Variants in BLTP1 observed in about 807,000 individuals in gnomAD.
BLTP1 encodes the protein fragile site-associated protein.
the BLTP1 span, chr4:122,224,873 A>T: frequency 6.8e-7 from 1 of 1,480,476 alleles, no homozygotes; most frequent in Non-Finnish European, 9.0e-7. Flanking sequence ...TGAGCCACAT[A>T]TAATTTGTTG....
the BLTP1 span, chr4:122,325,514 TGTTA>T: frequency 8.1e-6 from 8 of 984,904 alleles, no homozygotes; most frequent in Non-Finnish European, 9.6e-6. Flanking sequence ...ATGAAGCAGG[TGTTA>T]GTATTTTACA....
At chr4:122,227,356 A>G in the BLTP1 span, 1 of 985,602 alleles carries the variant, frequency 1.0e-6, no homozygotes, top group Non-Finnish European at 1.2e-6. Context: ...TGCAAAAAGT[A>G]GATGGTAATC....
the BLTP1 span, chr4:122,301,385 C>T: frequency 6.3e-7 from 1 of 1,589,314 alleles, no homozygotes; most frequent in Non-Finnish European, 8.6e-7. Flanking sequence ...ATTCCCTAAA[C>T]TTGCAGTTCA....
the BLTP1 span, chr4:122,331,927 A>ATT: frequency 9.5e-6 from 3 of 315,670 alleles, no homozygotes; most frequent in African/African-American, 6.7e-5. Flanking sequence ...AGAAATAAGA[A>ATT]AGACTGGGAG....
At chr4:122,246,710 G>C in the BLTP1 span, 3 of 1,612,844 alleles carry the variant, frequency 1.9e-6, no homozygotes, top group Admixed American at 1.7e-5. Flanking sequence ...ACAAGCCTCA[G>C]TGGAAGAATC....
the BLTP1 span, among the ~76,000 whole-genome samples, chr4:122,355,199 A>G: frequency 5.3e-5 from 8 of 152,134 alleles, no homozygotes; most frequent in South Asian, 1.7e-3. Flanking sequence ...TAGCATAATG[A>G]ACTGCTGTCT....
chr4:122,185,339 G>T, the BLTP1 span: 1 of 984,110 alleles, frequency 1.0e-6, no homozygotes, highest in South Asian at 4.7e-5. Flanking sequence ...AGAAAACATG[G>T]TAGTTCTTTC....
At chr4:122,226,803 C>T in the BLTP1 span, 1 of 1,611,742 alleles carries the variant, frequency 6.2e-7, no homozygotes. Context: ...AATATGTCAG[C>T]ATGGAATTGA....
the BLTP1 span, chr4:122,309,230 C>A: frequency 1.3e-6 from 2 of 1,591,934 alleles, no homozygotes; most frequent in South Asian, 1.1e-5. Context: ...AAAATTGTCA[C>A]CTTTTGTCTT....
chr4:122,160,078 T>C, the BLTP1 span, among the ~76,000 whole-genome samples: 2 of 152,230 alleles, frequency 1.3e-5, no homozygotes, highest in African/African-American at 4.8e-5. Flanking sequence ...TTTTGATTTA[T>C]GTGCACAAAG....
the BLTP1 span, among the ~76,000 whole-genome samples, chr4:122,217,230 T>A: frequency 6.6e-6 from 1 of 152,206 alleles, no homozygotes; most frequent in East Asian, 1.9e-4. Flanking sequence ...TTTATAACAG[T>A]ACCTTGCTGT....
chr4:122,232,368 A>G, the BLTP1 span, among the ~76,000 whole-genome samples: 4 of 152,188 alleles, frequency 2.6e-5, no homozygotes, highest in African/African-American at 7.2e-5. Context: ...CAGATAAACA[A>G]CAAAACACAT....
the BLTP1 span, among the ~76,000 whole-genome samples, chr4:122,294,348 G>C: frequency 2.0e-5 from 3 of 152,214 alleles, no homozygotes; most frequent in Non-Finnish European, 4.4e-5. Context: ...TCCTGTAGGA[G>C]TGTTCGGTCC....
chr4:122,152,530 G>A, the BLTP1 span: 9 of 985,794 alleles, frequency 9.1e-6, no homozygotes, highest in Non-Finnish European at 1.1e-5. Flanking sequence ...CAAGGCCCTC[G>A]GCGTTCCCCG....
chr4:122,331,287 A>T, the BLTP1 span: 4 of 1,562,818 alleles, frequency 2.6e-6, no homozygotes, highest in Non-Finnish European at 3.5e-6. Context: ...AAGAACTCTC[A>T]TTTTACTACA....
the BLTP1 span, chr4:122,261,447 T>G: frequency 2.3e-5 from 23 of 984,932 alleles, no homozygotes; most frequent in Non-Finnish European, 2.8e-5. Flanking sequence ...TTTTTGCCTG[T>G]GTAGTCTTTT....
At chr4:122,165,949 G>A in the BLTP1 span, among the ~76,000 whole-genome samples, 7 of 151,220 alleles carry the variant, frequency 4.6e-5, no homozygotes, top group Middle Eastern at 3.2e-3. Flanking sequence ...ATTTGTTTGA[G>A]TTCATTGTAG....
the BLTP1 span, chr4:122,304,793 G>GCT: frequency 6.2e-7 from 1 of 1,613,204 alleles, no homozygotes; most frequent in Non-Finnish European, 8.5e-7. Flanking sequence ...CATATAATCT[G>GCT]CTAGGGTATT....
chr4:122,189,511 G>A, the BLTP1 span: 4 of 838,028 alleles, frequency 4.8e-6, no homozygotes, highest in Non-Finnish European at 2.9e-6. Context: ...ATTATTTAAT[G>A]TTTTTGAATG....
Sources: gnomAD v4.1 joint callset for allele counts (sites outside exome capture counted in the v4.1 genomes callset) on GRCh38, gnomAD v4.1.1 for gene constraint, MANE v1.5 for transcripts, NCBI Gene and HGNC (gene_info 2026-07-23, HGNC 2026-07-21) for gene names.